Variants in ZNF696 observed in about 807,000 individuals in gnomAD.
ZNF696 encodes zinc finger protein 696.
A neutral mutation model predicts 12.3 loss-of-function variants in ZNF696; 10 were observed. The ratio of observed to expected loss-of-function variants is 0.81; its 90% CI spans 0.50 to 1.38. ZNF696 has a LOEUF of 1.38. Among genes scored for constraint, ZNF696 ranks in the 40% most tolerant of loss-of-function variants. The pLI, the probability that ZNF696 is intolerant of heterozygous loss-of-function variation, is 0.00. For synonymous variants in ZNF696, 304 were observed against 243.9 expected (o/e 1.25, Z -2.29); for missense variants, 675 against 554.7 (o/e 1.22, Z -2.18).
At chr8:143,295,693 C>A in intron 2 of ZNF696, 47 bp from the exon 3 acceptor site, 1 of 1,492,128 alleles carries the variant, frequency 6.7e-7, no homozygotes. Context: ...ACCCTCGACT[C>A]ACGTTCTCTT....
At chr8:143,295,175 G>A (rs904993799) in intron 2 of ZNF696, among the ~76,000 whole-genome samples, 3 of 152,050 alleles carry the variant, frequency 2.0e-5, no homozygotes, top group Admixed American at 1.3e-4. Flanking sequence ...CATCTGCCTC[G>A]CTCCCGTCCT....
chr8:143,294,230 C>G lies in ZNF696; in HGVS notation c.64+1165C>G, dbSNP rs567508213. Among the ~76,000 whole-genome samples the G allele has an allele frequency of 4.6e-5, 7 of 152,274 alleles. No individual in the cohort carries two copies. The South Asian group carries it at 1.2e-3, about 27-fold the overall frequency. On this transcript the variant is annotated intron_variant, in intron 2 of 2. Coordinates refer to ENST00000330143, the MANE Select transcript of ZNF696 (RefSeq NM_030895.3). The stretch of plus-strand genomic sequence containing the variant: ...TGGCCACATGGTCTGTCCCTGTGAG[C>G]CAGTGGAACCAAATCTAACCAGTGG...
In ZNF696 at chr8:143,296,146, C is replaced by T. The variant is rs116460889; in HGVS notation, c.471C>T (p.Asp157=). ...HSGEKPYECS[D]CGKAFIHSSH... is the part of the protein sequence containing the mutation. The stretch of plus-strand genomic sequence containing the variant: ...GGGAGAAACCGTACGAGTGCAGCGA[C>T]TGCGGGAAGGCCTTCATCCACAGCT... Residue 157 remains aspartate (D), a synonymous_variant, in exon 3 of 3, where the codon GAC becomes GAT. Transcript: ENST00000330143. 2 of 1,609,484 alleles carry T rather than the reference C, an allele frequency of 1.2e-6. No individual in the cohort carries two copies. The highest frequency in any genetic ancestry group is 1.7e-6 in the Non-Finnish European group (2 of 1,178,842).
Position 143,296,925 on chromosome 8 carries a change from T to C in ZNF696, c.*125T>C, listed in dbSNP as rs2129743179. On this transcript the variant is annotated 3_prime_UTR_variant, in exon 3 of 3. Coordinates refer to ENST00000330143, the MANE Select transcript of ZNF696 (RefSeq NM_030895.3). ...CCGGCTGCGCGCCTGGTTCTCGGGT[T>C]GCGAAAGCCTCGCCAGGCCTGCATC... 2.1e-6 allele frequency: 2 copies of C among 964,024 alleles called. No individual in the cohort carries two copies. Among genetic ancestry groups the C allele is most frequent in the South Asian group, 4.7e-5 (2 of 42,830 alleles). The allele number at this position is 964,024 out of a possible 1,614,324, so 59.7% of individuals were successfully genotyped here.
intron 2 of ZNF696, among the ~76,000 whole-genome samples, chr8:143,293,778 C>G (rs1384489166): frequency 6.6e-6 from 1 of 152,264 alleles, no homozygotes; most frequent in African/African-American, 2.4e-5. Flanking sequence ...AACCACAAGA[C>G]CAGGGCTGGG....
Position 143,292,672 on chromosome 8 carries a change from A to C in ZNF696, c.-30-300A>C, listed in dbSNP as rs574805405. Among the ~76,000 whole-genome samples the C allele has an allele frequency of 1.1e-4, 17 of 152,380 alleles. 2 individuals carry two copies. In the South Asian group the frequency reaches 3.5e-3, roughly 32 times the overall value. On this transcript the variant is annotated intron_variant, in intron 1 of 2. Coordinates refer to ENST00000330143, the MANE Select transcript of ZNF696 (RefSeq NM_030895.3). The stretch of plus-strand genomic sequence containing the variant: ...GCTGGAGGGCGCGGGCTTCCTCAGC[A>C]TGGAGCTAGGAAGCTGTGGCCACGC...
In ZNF696 at chr8:143,297,067, G is replaced by T; in HGVS notation, c.*267G>T. On this transcript the variant is annotated 3_prime_UTR_variant, in exon 3 of 3. Transcript: ENST00000330143. ...GGGGTCTGTCCCGGGCCGGCCGCCC[G>T]CCTCTGAGACTCCCCGCCTCCCACG... The T allele has an allele frequency of 2.7e-6, 1 of 367,704 alleles. No individual in the cohort carries two copies. Among genetic ancestry groups the T allele is most frequent in the Non-Finnish European group, 4.8e-6 (1 of 207,266 alleles). 22.8% of individuals were successfully genotyped at this position (367,704 alleles called of 1,614,324 possible).
At position 143,291,456 on chromosome 8, in the gene ZNF696, C is replaced by G. The variant is rs991174310; in HGVS notation, c.-342C>G. ...CCAGCTGCTCTGGACGCTGAGGCCC[C>G]GGCTTCTCTTGCTGGGGTGTCGATT... On this transcript the variant is annotated 5_prime_UTR_variant, in exon 1 of 3. Coordinates refer to ENST00000330143, the MANE Select transcript of ZNF696 (RefSeq NM_030895.3). 5.1e-6 allele frequency: 5 copies of G among 985,446 alleles called. 1 individual carries two copies. Among genetic ancestry groups the G allele is most frequent in the South Asian group, 9.4e-5 (2 of 21,306 alleles). The allele number at this position is 985,446 out of a possible 1,614,324, so 61.0% of individuals were successfully genotyped here.
At chr8:143,293,531 C>T (rs1198750204) in intron 2 of ZNF696, among the ~76,000 whole-genome samples, 1 of 152,146 alleles carries the variant, frequency 6.6e-6, no homozygotes, top group Admixed American at 6.5e-5. Context: ...GAGAACACTG[C>T]TTTATGTTTT....
chr8:143,296,008 C>A lies in ZNF696; in HGVS notation c.333C>A (p.Gly111=). The A allele has an allele frequency of 6.3e-7, 1 of 1,595,104 alleles. No individual in the cohort carries two copies. The highest frequency in any genetic ancestry group is 8.5e-7 in the Non-Finnish European group (1 of 1,170,440). ...AGTCAGACGTCCCTCCGAACGCAGG[C>A]CCCGGCGCAGAGGGCGGGGGCAGCT... is the stretch of plus-strand genomic sequence containing the variant. The part of the protein sequence containing the change: ...GLESDVPPNA[G]PGAEGGGSWK... The change falls in exon 3 of 3, where the codon GGC becomes GGA. Residue 111 remains glycine, a synonymous_variant. Transcript: ENST00000330143.
At position 143,298,823 on chromosome 8, in the gene ZNF696, C is replaced by G. The variant is rs1815759576; in HGVS notation, c.*2023C>G. Among the ~76,000 whole-genome samples, 1 of 152,138 alleles carries G rather than the reference C, an allele frequency of 6.6e-6. No homozygotes were observed. Among genetic ancestry groups the G allele is most frequent in the African/African-American group, 2.4e-5 (1 of 41,416 alleles). ...CCTATAATCCCAACACTTTGGGAGG[C>G]CTAAGGGGGAGGATCACTTGAGCCT... On this transcript the variant is annotated 3_prime_UTR_variant, in exon 3 of 3. Transcript: ENST00000330143.
rs1365947136 is a variant in ZNF696, at chr8:143,291,477, C to G, written c.-321C>G. On this transcript the variant is annotated 5_prime_UTR_variant, in exon 1 of 3. Coordinates refer to ENST00000330143, the MANE Select transcript of ZNF696 (RefSeq NM_030895.3). ...GCCCCGGCTTCTCTTGCTGGGGTGTCGATTCGGGAGGGCTGAGGGCGCGGC... is the reference window on the plus strand; with the variant it reads ...GCCCCGGCTTCTCTTGCTGGGGTGTGGATTCGGGAGGGCTGAGGGCGCGGC... 17 of 985,482 alleles carry G rather than the reference C, an allele frequency of 1.7e-5. No homozygotes were observed. Among genetic ancestry groups the G allele is most frequent in the Non-Finnish European group, 2.0e-5 (17 of 829,986 alleles). 61.0% of individuals were successfully genotyped at this position (985,482 alleles called of 1,614,324 possible). A position where few individuals can be genotyped will look rare whatever the true frequency, so the allele number is the denominator to read the frequency against.
intron 2 of ZNF696, 91 bp downstream of exon 2, chr8:143,293,156 C>A: frequency 8.9e-7 from 1 of 1,124,996 alleles, no homozygotes; most frequent in Non-Finnish European, 1.3e-6. Context: ...GTCACTGACG[C>A]AGAGCATATA....
intron 1 of ZNF696, among the ~76,000 whole-genome samples, chr8:143,292,513 C>T (rs539485724): frequency 4.0e-5 from 6 of 151,294 alleles, no homozygotes; most frequent in African/African-American, 1.4e-4. Context: ...TTAGAAAAAT[C>T]ATTCCTCATT....
In ZNF696 at chr8:143,295,762, G is replaced by T. The variant is rs772938812; in HGVS notation, c.87G>T (p.Ala29=). ...CAGCTGTGAAGGCTGCTTTCCTGGC[G>T]CAGGCCCCGAGTGGCAGCCGGTCAG... ...SLAAVKAAFL[A]QAPSGSRSAE... Residue 29 remains alanine, a synonymous_variant, in exon 3 of 3, where the codon GCG becomes GCT. Coordinates refer to ENST00000330143, the MANE Select transcript of ZNF696 (RefSeq NM_030895.3). The T allele has an allele frequency of 8.7e-6, 14 of 1,600,714 alleles. No homozygotes were observed. In the African/African-American group the frequency reaches 1.7e-4, roughly 20 times the overall value.
rs1563745666 is a variant in ZNF696, at chr8:143,297,087, C to G, written c.*287C>G. 1 of 338,866 alleles carries G rather than the reference C, an allele frequency of 3.0e-6. No individual in the cohort carries two copies. The highest frequency in any genetic ancestry group is 4.9e-5 in the Admixed American group (1 of 20,526). 21.0% of individuals were successfully genotyped at this position (338,866 alleles called of 1,614,324 possible). ...CGCCCGCCTCTGAGACTCCCCGCCT[C>G]CCACGGTCAGCTGCTGCGGGGCAGT... On this transcript the variant is annotated 3_prime_UTR_variant, in exon 3 of 3. Transcript: ENST00000330143.
In ZNF696 at chr8:143,298,990, T is replaced by A. The variant is rs1479955970; in HGVS notation, c.*2190T>A. 6.6e-6 allele frequency among the ~76,000 whole-genome samples: 1 copy of A among 152,086 alleles called. No individual in the cohort carries two copies. The highest frequency in any genetic ancestry group is 2.4e-5 in the African/African-American group (1 of 41,398). ...CCCTGGCCAACATGGCAAAACCCCATTTCTACTAAAAATACAAAATTAGCT... is the reference window on the plus strand; with the variant it reads ...CCCTGGCCAACATGGCAAAACCCCAATTCTACTAAAAATACAAAATTAGCT... On this transcript the variant is annotated 3_prime_UTR_variant, in exon 3 of 3. Coordinates refer to ENST00000330143, the MANE Select transcript of ZNF696 (RefSeq NM_030895.3).
rs902763120 is a variant in ZNF696, at chr8:143,297,917, C to T, written c.*1117C>T. 2 of 152,174 alleles carry T rather than the reference C, an allele frequency of 1.3e-5. No individual in the cohort carries two copies. The highest frequency in any genetic ancestry group is 4.8e-5 in the African/African-American group (2 of 41,426). 9.4% of individuals were successfully genotyped at this position (152,174 alleles called of 1,614,324 possible). On this transcript the variant is annotated 3_prime_UTR_variant, in exon 3 of 3. Coordinates refer to ENST00000330143, the MANE Select transcript of ZNF696 (RefSeq NM_030895.3). ...TCTGTGGGTAGAGGAATCGTTTTCTCTTTGAGACTGTTATGAGTATGTACA... is the reference window on the plus strand; with the variant it reads ...TCTGTGGGTAGAGGAATCGTTTTCTTTTTGAGACTGTTATGAGTATGTACA...
chr8:143,294,658 G>A (rs1013524685), intron 2 of ZNF696, among the ~76,000 whole-genome samples: 4 of 151,740 alleles, frequency 2.6e-5, no homozygotes, highest in East Asian at 2.0e-4. Context: ...GAGCCACCGC[G>A]ACTGGCCTCT....
Sources: allele counts gnomAD v4.1 joint callset (sites outside exome capture counted in the v4.1 genomes callset), GRCh38; gene constraint gnomAD v4.1.1; transcripts MANE v1.5; gene names NCBI Gene and HGNC (gene_info 2026-07-23, HGNC 2026-07-21).